The following PTPRJ variants were observed in gnomAD, a reference collection of about 807,000 sequenced individuals.
PTPRJ encodes receptor-type tyrosine-protein phosphatase eta.
Under a neutral mutation model 141.3 loss-of-function variants are expected in PTPRJ, and 129 were observed. The observed-to-expected ratio is 0.91, with a 90% CI of 0.79 to 1.06. PTPRJ has a LOEUF of 1.06. Among genes scored for constraint, PTPRJ ranks in the 50% least tolerant of loss-of-function variants. The pLI is 0.00. For synonymous variants in PTPRJ, 610 were observed against 640.5 expected, an observed-to-expected ratio of 0.95 and a Z score of 0.72; for missense variants, 1,601 against 1,679.7, an observed-to-expected ratio of 0.95 and a Z score of 0.82.
At chr11:48,089,153 C>A (rs1190300965) in intron 1 of PTPRJ, among the ~76,000 whole-genome samples, 1 of 152,088 alleles carries the variant, frequency 6.6e-6, no homozygotes, top group Non-Finnish European at 1.5e-5. Flanking sequence ...AAATAAAACC[C>A]CATTTTAAAA....
intron 1 of PTPRJ, among the ~76,000 whole-genome samples, chr11:48,054,403 ATGTT>A (rs1455439010): frequency 6.6e-6 from 1 of 152,140 alleles, no homozygotes; most frequent in East Asian, 1.9e-4. Flanking sequence ...CATCTTGTCT[ATGTT>A]TGTAAGAAGT....
At chr11:48,044,384 G>T (rs139491788) in intron 1 of PTPRJ, among the ~76,000 whole-genome samples, 247 of 152,338 alleles carry the variant, frequency 1.6e-3, no homozygotes, top group Non-Finnish European at 2.4e-3. Flanking sequence ...GGCAGGTGGC[G>T]AGGGCCTAAG....
At chr11:48,126,954 G>A (rs1360515855) in intron 6 of PTPRJ, among the ~76,000 whole-genome samples, 1 of 152,206 alleles carries the variant, frequency 6.6e-6, no homozygotes, top group African/African-American at 2.4e-5. Context: ...CACCTCTAGG[G>A]CTGAAGGGCT....
intron 1 of PTPRJ, among the ~76,000 whole-genome samples, chr11:48,072,718 CTT>C (rs1297021944): frequency 3.3e-5 from 5 of 152,136 alleles, no homozygotes; most frequent in Non-Finnish European, 5.9e-5. Context: ...TTTCTTGACT[CTT>C]TTTGATCTGT....
intron 1 of PTPRJ, among the ~76,000 whole-genome samples, chr11:47,982,676 A>G (rs1853941864): frequency 6.6e-6 from 1 of 150,972 alleles, no homozygotes; most frequent in Admixed American, 6.6e-5. Context: ...CAGCAAAAAA[A>G]TTTTAAATTA....
At chr11:48,084,715 T>G (rs7118226) in intron 1 of PTPRJ, among the ~76,000 whole-genome samples, 100,316 of 151,390 alleles carry the variant, frequency 0.66, 36,655 homozygotes, top group East Asian at 0.84. Context: ...TGGGGTTTTG[T>G]GAAACTTGGA....
At chr11:48,105,441 A>C (rs915200196) in intron 1 of PTPRJ, among the ~76,000 whole-genome samples, 11 of 152,154 alleles carry the variant, frequency 7.2e-5, no homozygotes, top group Non-Finnish European at 1.6e-4. Flanking sequence ...GAAGTCACCA[A>C]GTGAATTGAA....
At chr11:48,109,327 C>CTAA (rs774315886) in intron 1 of PTPRJ, among the ~76,000 whole-genome samples, 7 of 151,900 alleles carry the variant, frequency 4.6e-5, no homozygotes, top group African/African-American at 7.3e-5. Context: ...GTTTGTGAAA[C>CTAA]AATAGAGTGT....
At chr11:48,132,522 T>G in intron 8 of PTPRJ, 1 of 981,870 alleles carries the variant, frequency 1.0e-6, no homozygotes, top group Non-Finnish European at 1.2e-6. Flanking sequence ...ACATACAGTC[T>G]TCCTTGATCT....
chr11:48,141,867 G>A (rs1857236167), intron 11 of PTPRJ, among the ~76,000 whole-genome samples: 1 of 149,554 alleles, frequency 6.7e-6, no homozygotes, highest in Admixed American at 6.7e-5. Flanking sequence ...TTTTGCTTTT[G>A]TTGCTGTGCT....
At chr11:48,039,712 A>G (rs1191713527) in intron 1 of PTPRJ, among the ~76,000 whole-genome samples, 1 of 151,326 alleles carries the variant, frequency 6.6e-6, no homozygotes, top group African/African-American at 2.4e-5. Flanking sequence ...TTATTGAGGC[A>G]CTGGTTGAGG....
At chr11:48,142,850 G>C in intron 11 of PTPRJ, 69 bp from the exon 12 acceptor site, 1 of 1,519,434 alleles carries the variant, frequency 6.6e-7, no homozygotes, top group Non-Finnish European at 8.8e-7. Context: ...GCTGAAGCAT[G>C]TTCTCTACCT....
chr11:48,035,538 CTTTTTT>C (rs66504227), intron 1 of PTPRJ, among the ~76,000 whole-genome samples: 34 of 61,748 alleles, frequency 5.5e-4, no homozygotes, highest in African/African-American at 1.2e-3. Flanking sequence ...CTTTCTTCTT[CTTTTTT>C]TTTTTTTTTT....
intron 3 of PTPRJ, 75 bp downstream of exon 3, chr11:48,113,058 ATACTGTTCTTCT>A: frequency 7.9e-7 from 1 of 1,273,152 alleles, no homozygotes; most frequent in Non-Finnish European, 1.1e-6. Flanking sequence ...TGTTTTCCAA[ATACTGTTCTTCT>A]TTTAATTACC....
At chr11:48,013,566 T>G (rs1854870613) in intron 1 of PTPRJ, among the ~76,000 whole-genome samples, 1 of 152,102 alleles carries the variant, frequency 6.6e-6, no homozygotes, top group African/African-American at 2.4e-5. Flanking sequence ...CATGGGGGAA[T>G]GGGTGGTTGT....
In PTPRJ at chr11:48,121,257, G is replaced by A; in HGVS notation, c.607G>A (p.Val203Ile). The change falls in exon 4 of 25, where the codon GTC becomes ATC. Residue 203 changes from valine to isoleucine, a missense_variant. Physicochemically the swap from Val to Ile is conservative, Grantham distance 29. Coordinates refer to ENST00000418331, the MANE Select transcript of PTPRJ (RefSeq NM_002843.4). Reference protein sequence around the residue: ...ETWGDPRVIKVITEPIPVSDL... With the variant: ...ETWGDPRVIKIITEPIPVSDL... ...TTGGGGAGATCCCAGAGTCATAAAA[G>A]TCATCACAGGTAAGATGACTGGCTC... 1.2e-6 allele frequency: 2 copies of A among 1,613,896 alleles called. No individual in the cohort carries two copies. The highest frequency in any genetic ancestry group is 1.1e-5 in the South Asian group (1 of 91,078).
chr11:48,038,640 C>T (rs952429936), intron 1 of PTPRJ, among the ~76,000 whole-genome samples: 3 of 151,782 alleles, frequency 2.0e-5, no homozygotes, highest in African/African-American at 4.8e-5. Flanking sequence ...TACAGGCGCA[C>T]GCCACCATGC....
At chr11:48,028,521 T>C (rs1186326101) in intron 1 of PTPRJ, among the ~76,000 whole-genome samples, 1 of 152,218 alleles carries the variant, frequency 6.6e-6, no homozygotes, top group Non-Finnish European at 1.5e-5. Flanking sequence ...CTGGGCGTGG[T>C]GGCTCACACC....
At chr11:48,106,430 G>T (rs933178990) in intron 1 of PTPRJ, among the ~76,000 whole-genome samples, 2 of 152,212 alleles carry the variant, frequency 1.3e-5, no homozygotes, top group African/African-American at 2.4e-5. Context: ...AGGTTATGAA[G>T]ACTTGGTTTA....
Sources: allele counts gnomAD v4.1 joint callset (sites outside exome capture counted in the v4.1 genomes callset), GRCh38; gene constraint gnomAD v4.1.1; transcripts MANE v1.5; gene names NCBI Gene and HGNC (gene_info 2026-07-23, HGNC 2026-07-21).